Variants in IMMP2L observed in about 807,000 individuals in gnomAD.
The protein encoded by IMMP2L is inner mitochondrial membrane peptidase subunit 2, also known as mitochondrial inner membrane protease subunit 2.
In IMMP2L, 18 loss-of-function variants were observed where a neutral mutation model predicts 19.3. The ratio of observed to expected loss-of-function variants is 0.93; its 90% confidence interval spans 0.64 to 1.38. The LOEUF (loss-of-function observed/expected upper bound fraction) is 1.38, where lower values mean the gene tolerates loss of function less well. IMMP2L is among the 40% of genes most tolerant of loss of function. IMMP2L has a pLI of 0.00. For missense variants in IMMP2L, 233 were observed against 218.2 expected (o/e 1.07, Z -0.43); for synonymous variants, 76 against 73.0 (o/e 1.04, Z -0.21).
chr7:110,802,837 G>A (rs563745562), intron 5 of IMMP2L, among the ~76,000 whole-genome samples: 1 of 152,136 alleles, frequency 6.6e-6, no homozygotes, highest in African/African-American at 2.4e-5. Context: ...GAAATTACAA[G>A]GCATTATGGG....
intron 3 of IMMP2L, among the ~76,000 whole-genome samples, chr7:111,076,001 C>G (rs1056755783): frequency 6.6e-6 from 1 of 152,156 alleles, no homozygotes; most frequent in Non-Finnish European, 1.5e-5. Context: ...AATTTCTTAT[C>G]TAGTTAAAAT....
intron 3 of IMMP2L, among the ~76,000 whole-genome samples, chr7:111,062,684 A>C (rs1312470121): frequency 6.6e-6 from 1 of 152,238 alleles, no homozygotes; most frequent in Admixed American, 6.5e-5. Flanking sequence ...GGGCAAATAC[A>C]GCTGTTCCAA....
chr7:110,899,536 A>G (rs1273065016), intron 4 of IMMP2L, among the ~76,000 whole-genome samples: 2 of 152,184 alleles, frequency 1.3e-5, no homozygotes, highest in African/African-American at 2.4e-5. Context: ...TAGAATATCA[A>G]ATAAGGAATT....
intron 3 of IMMP2L, among the ~76,000 whole-genome samples, chr7:111,204,963 C>T (rs115157256): frequency 9.5e-4 from 144 of 152,264 alleles, no homozygotes; most frequent in African/African-American, 3.3e-3. Context: ...CCTGCTATAA[C>T]AAAATATCAG....
chr7:111,435,333 T>A (rs991454475), intron 3 of IMMP2L, among the ~76,000 whole-genome samples: 12 of 151,890 alleles, frequency 7.9e-5, no homozygotes, highest in African/African-American at 2.7e-4. Context: ...TATATACAAC[T>A]TAGAATACTA....
intron 5 of IMMP2L, among the ~76,000 whole-genome samples, chr7:110,754,997 A>G (rs1297102631): frequency 1.3e-5 from 2 of 152,024 alleles, no homozygotes; most frequent in African/African-American, 4.8e-5. Flanking sequence ...TCCAATTAGT[A>G]CATGCTTGAA....
At chr7:111,346,490 TTGGA>T (rs1186359117) in intron 3 of IMMP2L, among the ~76,000 whole-genome samples, 2 of 152,154 alleles carry the variant, frequency 1.3e-5, no homozygotes, top group African/African-American at 4.8e-5. Context: ...TCCAAGTAGT[TTGGA>T]TGGAGCCTTC....
intron 2 of IMMP2L, among the ~76,000 whole-genome samples, chr7:111,505,167 A>G (rs1688325553): frequency 6.6e-6 from 1 of 152,028 alleles, no homozygotes; most frequent in South Asian, 2.1e-4. Context: ...GGCAAAGGAT[A>G]TGAACAGACA....
At chr7:111,523,685 T>C (rs1431013371) in intron 1 of IMMP2L, among the ~76,000 whole-genome samples, 1 of 152,156 alleles carries the variant, frequency 6.6e-6, no homozygotes, top group African/African-American at 2.4e-5. Context: ...AACTTTAGAA[T>C]ATAAGCAATT....
At chr7:111,430,113 G>T (rs1836479477) in intron 3 of IMMP2L, among the ~76,000 whole-genome samples, 1 of 151,676 alleles carries the variant, frequency 6.6e-6, no homozygotes, top group South Asian at 2.1e-4. Flanking sequence ...CATCCATCTG[G>T]TTTTATCTCA....
chr7:111,392,552 G>C (rs1832463479), intron 3 of IMMP2L, among the ~76,000 whole-genome samples: 1 of 152,158 alleles, frequency 6.6e-6, no homozygotes, highest in East Asian at 1.9e-4. Flanking sequence ...CAAGTGAGAA[G>C]TGTTTTTCCT....
At chr7:111,442,654 C>A (rs1837863088) in intron 3 of IMMP2L, among the ~76,000 whole-genome samples, 1 of 151,674 alleles carries the variant, frequency 6.6e-6, no homozygotes, top group Non-Finnish European at 1.5e-5. Context: ...TCAAATGTGA[C>A]AACAACTAAC....
chr7:111,137,120 G>A (rs1802422127), intron 3 of IMMP2L, among the ~76,000 whole-genome samples: 1 of 152,072 alleles, frequency 6.6e-6, no homozygotes, highest in Non-Finnish European at 1.5e-5. Flanking sequence ...TTGAAATGCT[G>A]CAAAAATATG....
chr7:111,000,935 G>T (rs1031113891), intron 3 of IMMP2L, among the ~76,000 whole-genome samples: 1 of 151,830 alleles, frequency 6.6e-6, no homozygotes, highest in Non-Finnish European at 1.5e-5. Context: ...TGTTTGTTTT[G>T]CAAATGTACC....
intron 3 of IMMP2L, among the ~76,000 whole-genome samples, chr7:111,243,224 A>G (rs916384577): frequency 4.6e-5 from 7 of 152,022 alleles, no homozygotes; most frequent in African/African-American, 1.7e-4. Context: ...AATGTGAAGT[A>G]TTTATTATAT....
At chr7:110,701,626 T>C (rs1217867490) in intron 5 of IMMP2L, among the ~76,000 whole-genome samples, 1 of 152,162 alleles carries the variant, frequency 6.6e-6, no homozygotes, top group Non-Finnish European at 1.5e-5. Context: ...GGTTTCGCCA[T>C]GTTGGCCAGG....
chr7:111,097,729 T>C (rs1797554921), intron 3 of IMMP2L, among the ~76,000 whole-genome samples: 1 of 151,914 alleles, frequency 6.6e-6, no homozygotes, highest in Non-Finnish European at 1.5e-5. Flanking sequence ...TTTAATTCTA[T>C]TTTTATCAAA....
intron 4 of IMMP2L, among the ~76,000 whole-genome samples, chr7:110,959,012 A>G (rs183411660): frequency 6.6e-6 from 1 of 151,988 alleles, no homozygotes; most frequent in Non-Finnish European, 1.5e-5. Context: ...TCTTTAAGCT[A>G]TATTTCACTA....
intron 3 of IMMP2L, among the ~76,000 whole-genome samples, chr7:111,331,431 T>A (rs911770418): frequency 6.6e-6 from 1 of 151,872 alleles, no homozygotes; most frequent in African/African-American, 2.4e-5. Context: ...CAGTAAGGAA[T>A]GGGGAAATGA....
Sources: allele counts gnomAD v4.1 joint callset (sites outside exome capture counted in the v4.1 genomes callset), GRCh38; gene constraint gnomAD v4.1.1; transcripts MANE v1.5; gene names NCBI Gene and HGNC (gene_info 2026-07-23, HGNC 2026-07-21).